LDLRAD3: variants seen among roughly 807,000 people sequenced by gnomAD.
LDLRAD3 encodes low-density lipoprotein receptor class A domain-containing protein 3.
LDLRAD3 carries 20 observed loss-of-function variants against 29.4 expected under a neutral mutation model. The ratio of observed to expected loss-of-function variants is 0.68; its 90% CI spans 0.48 to 0.99. LDLRAD3 has a LOEUF of 0.99. LDLRAD3 is among the 50% of genes least tolerant of loss of function. The pLI is 0.00. For missense variants in LDLRAD3, 420 were observed against 454.3 expected (o/e 0.92, Z 0.69); for synonymous variants, 157 against 192.7 (o/e 0.81, Z 1.53).
intron 4 of LDLRAD3, among the ~76,000 whole-genome samples, chr11:36,150,717 T>C (rs560865502): frequency 1.3e-5 from 2 of 152,156 alleles, no homozygotes; most frequent in East Asian, 3.9e-4. Context: ...ATTGAGCCAC[T>C]GCACTCCAGC....
At chr11:36,030,234 C>T (rs1253038365) in intron 1 of LDLRAD3, among the ~76,000 whole-genome samples, 1 of 152,200 alleles carries the variant, frequency 6.6e-6, no homozygotes, top group Non-Finnish European at 1.5e-5. Context: ...TAGAGTGCTC[C>T]TCATAGTCAG....
intron 1 of LDLRAD3, among the ~76,000 whole-genome samples, chr11:36,017,983 T>C (rs1590208756): frequency 6.6e-6 from 1 of 152,344 alleles, no homozygotes; most frequent in East Asian, 1.9e-4. Context: ...GTCAGAATTG[T>C]GTAAGCTGAA....
intron 2 of LDLRAD3, among the ~76,000 whole-genome samples, chr11:36,046,229 G>T (rs1366399946): frequency 6.6e-6 from 1 of 152,144 alleles, no homozygotes; most frequent in Non-Finnish European, 1.5e-5. Context: ...TTTTATGAAT[G>T]GGAGTTCCCC....
chr11:36,061,856 G>T (rs962427448), intron 2 of LDLRAD3, among the ~76,000 whole-genome samples: 1 of 151,878 alleles, frequency 6.6e-6, no homozygotes, highest in African/African-American at 2.4e-5. Context: ...TCAACTGTAT[G>T]TTTCAATTGC....
chr11:36,014,796 T>A lies in LDLRAD3; in HGVS notation c.47-21307T>A, dbSNP rs116189202. On this transcript the variant is annotated intron_variant, in intron 1 of 5. Transcript: ENST00000315571. ...ATCTGTAGACTCATCAAACATAAAT[T>A]ATTCTGGATGGCTTTTCTCTCTGTA... 5.8e-3 allele frequency among the ~76,000 whole-genome samples: 889 copies of A among 152,346 alleles called. 8 individuals carry two copies. Among genetic ancestry groups the A allele is most frequent in the African/African-American group, 0.021 (853 of 41,574 alleles).
At chr11:36,211,015 A>G (rs1306302431) in intron 4 of LDLRAD3, among the ~76,000 whole-genome samples, 2 of 152,158 alleles carry the variant, frequency 1.3e-5, no homozygotes, top group African/African-American at 4.8e-5. Context: ...TCCCAAAGAG[A>G]CTATAAGCTG....
In LDLRAD3 at chr11:36,057,282, T is replaced by C. The variant is rs995430798; in HGVS notation, c.193+21033T>C. On this transcript the variant is annotated intron_variant, in intron 2 of 5. Coordinates refer to ENST00000315571, the MANE Select transcript of LDLRAD3 (RefSeq NM_174902.4). ...AACTTGGGAAACATTGATTATTGGG[T>C]TTGGGATGGGGCCAGAAGCCCACTT... is the stretch of plus-strand genomic sequence containing the variant. Among the ~76,000 whole-genome samples, 2 of 152,064 alleles carry C rather than the reference T, an allele frequency of 1.3e-5. 1 individual carries two copies.
chr11:36,001,255 G>A (rs1406561825), intron 1 of LDLRAD3: 1 of 152,156 alleles, frequency 6.6e-6, no homozygotes, highest in Non-Finnish European at 1.5e-5. Context: ...ACAACGTGCA[G>A]GTTAGTTACA....
chr11:35,949,108 C>T (rs930675557), intron 1 of LDLRAD3, among the ~76,000 whole-genome samples: 1 of 152,146 alleles, frequency 6.6e-6, no homozygotes, highest in Admixed American at 6.6e-5. Context: ...CTCCCAAGGG[C>T]CTTTGGGCTT....
At chr11:36,028,451 A>G (rs1350131738) in intron 1 of LDLRAD3, among the ~76,000 whole-genome samples, 1 of 152,152 alleles carries the variant, frequency 6.6e-6, no homozygotes, top group Admixed American at 6.5e-5. Flanking sequence ...CTTATTTTAC[A>G]TAAGCCTGTA....
At chr11:36,076,635 C>T (rs1165571087) in intron 2 of LDLRAD3, among the ~76,000 whole-genome samples, 5 of 152,190 alleles carry the variant, frequency 3.3e-5, no homozygotes, top group Non-Finnish European at 7.3e-5. Flanking sequence ...ATCCACCCAC[C>T]TCGGCCTCCC....
chr11:36,149,989 G>A (rs959912070), intron 4 of LDLRAD3, among the ~76,000 whole-genome samples: 6 of 152,172 alleles, frequency 3.9e-5, no homozygotes, highest in Admixed American at 6.5e-5. Context: ...GGCGTGAACG[G>A]TGGAATAGGG....
At chr11:36,115,526 C>A (rs543577858) in intron 4 of LDLRAD3, among the ~76,000 whole-genome samples, 1 of 152,186 alleles carries the variant, frequency 6.6e-6, no homozygotes, top group African/African-American at 2.4e-5. Flanking sequence ...TGTTCCTGAA[C>A]TCTGTCAAAG....
chr11:36,165,345 T>C (rs538614276), intron 4 of LDLRAD3, among the ~76,000 whole-genome samples: 2 of 143,208 alleles, frequency 1.4e-5, no homozygotes, highest in Non-Finnish European at 3.1e-5. Flanking sequence ...GCTTTAAACC[T>C]TTTTTTTTTT....
intron 1 of LDLRAD3, among the ~76,000 whole-genome samples, chr11:35,948,515 G>A (rs754983425): frequency 7.3e-5 from 11 of 151,664 alleles, no homozygotes; most frequent in Non-Finnish European, 1.6e-4. Context: ...TTCTTCTATT[G>A]TTGTGAAAAA....
At chr11:36,063,860 T>C (rs1290400754) in intron 2 of LDLRAD3, among the ~76,000 whole-genome samples, 1 of 152,228 alleles carries the variant, frequency 6.6e-6, no homozygotes, top group Non-Finnish European at 1.5e-5. Context: ...CCTCTAATTT[T>C]GTTCTTCTTT....
At chr11:35,946,950 G>T (rs1173831174) in intron 1 of LDLRAD3, among the ~76,000 whole-genome samples, 3 of 152,278 alleles carry the variant, frequency 2.0e-5, no homozygotes, top group East Asian at 3.9e-4. Context: ...TCTTCAAAGA[G>T]ATGTGACTAA....
chr11:36,069,753 T>C (rs1852864583), intron 2 of LDLRAD3, among the ~76,000 whole-genome samples: 1 of 152,204 alleles, frequency 6.6e-6, no homozygotes, highest in Non-Finnish European at 1.5e-5. Flanking sequence ...TCCAGGCCTT[T>C]ACACAGGCGG....
At chr11:36,076,222 G>GTCCATCCA (rs56767260) in intron 2 of LDLRAD3, among the ~76,000 whole-genome samples, 4,506 of 145,446 alleles carry the variant, frequency 0.031, 156 homozygotes, top group African/African-American at 0.066. Context: ...CTGTCCATCC[G>GTCCATCCA]TCCATCCATC....
Sources: gnomAD v4.1 joint callset for allele counts (sites outside exome capture counted in the v4.1 genomes callset) on GRCh38, gnomAD v4.1.1 for gene constraint, MANE v1.5 for transcripts, NCBI Gene and HGNC (gene_info 2026-07-23, HGNC 2026-07-21) for gene names.